The following ZNF517 variants were observed in gnomAD, a reference collection of about 807,000 sequenced individuals.
ZNF517 encodes the protein zinc finger protein 517.
Under a neutral mutation model 12.1 loss-of-function variants are expected in ZNF517, and 12 were observed. The ratio of observed to expected loss-of-function variants is 0.99; its 90% CI spans 0.63 to 1.61. The LOEUF is 1.61. Among genes scored for constraint, ZNF517 ranks in the 40% most tolerant of loss-of-function variants. The pLI is 0.00. For missense variants in ZNF517, 781 were observed against 693.2 expected, an observed-to-expected ratio of 1.13 and a Z score of -1.42; for synonymous variants, 388 against 310.2, an observed-to-expected ratio of 1.25 and a Z score of -2.63.
rs1407498241 is a variant in ZNF517, at chr8:144,809,779, C to T, written c.*1384C>T. ...ATAAATCCCCTCTCCTGGCCGGGCG[C>T]GGTAGCTCTCCCCTGTAATCTCAGC... On this transcript the variant is annotated 3_prime_UTR_variant, in exon 5 of 5. Transcript: ENST00000359971. 2 of 169,526 alleles carry T rather than the reference C, an allele frequency of 1.2e-5. No homozygotes were observed. The highest frequency in any genetic ancestry group is 2.4e-5 in the African/African-American group (1 of 42,140). 10.5% of individuals were successfully genotyped at this position (169,526 alleles called of 1,614,324 possible).
Position 144,803,724 on chromosome 8 carries a change from C to T in ZNF517, c.117C>T (p.Tyr39=), listed in dbSNP as rs1455215175. ...SCLAPDQQAL[Y]RDVMLENYGN... ...TGGCCCCCGACCAGCAGGCACTCTA[C>T]AGGGACGTGATGCTGGAGAACTATG... is the stretch of plus-strand genomic sequence containing the variant. The change falls in exon 3 of 5, where the codon TAC becomes TAT. Residue 39 remains tyrosine, a synonymous_variant. Transcript: ENST00000359971. 1 of 1,614,066 alleles carries T rather than the reference C, an allele frequency of 6.2e-7. No homozygotes were observed. The highest frequency in any genetic ancestry group is 1.3e-5 in the African/African-American group (1 of 74,952).
At chr8:144,810,578 G>A (rs1004914175), downstream of ZNF517, 2 of 232,168 alleles carry the variant, frequency 8.6e-6, no homozygotes, top group East Asian at 8.5e-5. Context: ...AGGAAAGCAC[G>A]AAGGTCAGGG....
downstream of ZNF517, among the ~76,000 whole-genome samples, chr8:144,813,016 G>A (rs2955211): frequency 0.016 from 2,408 of 152,074 alleles, 202 homozygotes; most frequent in East Asian, 0.24. Flanking sequence ...AACAAACCTA[G>A]GAATAAATTT....
chr8:144,802,568 T>C (rs1477524220), intron 1 of ZNF517, among the ~76,000 whole-genome samples: 1 of 152,090 alleles, frequency 6.6e-6, no homozygotes, highest in Admixed American at 6.6e-5. Context: ...CATAGTGCTA[T>C]GGAGAAAAAT....
chr8:144,803,137 T>A, intron 2 of ZNF517, 190 bp downstream of exon 2: 1 of 740,672 alleles, frequency 1.4e-6, no homozygotes, highest in Non-Finnish European at 2.1e-6. Context: ...CCTTCCAGCC[T>A]TTGGGCAGAA....
Position 144,804,159 on chromosome 8 carries a change from A to C in ZNF517, c.195A>C (p.Leu65=), listed in dbSNP as rs764439870. 1.2e-5 allele frequency: 20 copies of C among 1,613,906 alleles called. No individual in the cohort carries two copies. In the East Asian group the frequency reaches 3.8e-4, roughly 31 times the overall value. ...FLVAKPALIS[L]LEQGEEPGAL... ...TTGCCAAACCAGCACTGATCTCCCT[A>C]TTGGAGCAAGGAGAGGAGCCGGGGG... The change falls in exon 4 of 5, where the codon CTA becomes CTC. Residue 65 remains leucine (L), a synonymous_variant. Coordinates refer to ENST00000359971, the MANE Select transcript of ZNF517 (RefSeq NM_213605.3).
Position 144,802,939 on chromosome 8 carries a change from G to A in ZNF517, c.25G>A (p.Gly9Arg), listed in dbSNP as rs377613180. Residue 9 changes from glycine (G) to arginine (R), a missense_variant, in exon 2 of 5, where the codon GGA (glycine) becomes AGA (arginine). Coordinates refer to ENST00000359971, the MANE Select transcript of ZNF517 (RefSeq NM_213605.3). ...AATGGCGATGGCACTCCCGATGCCT[G>A]GACCTCAGGTGAGCACCCCCTGAGC... MAMALPMP[G>R]PQEAVVFEDV... 3.7e-6 allele frequency: 6 copies of A among 1,613,768 alleles called. No individual in the cohort carries two copies. The highest frequency in any genetic ancestry group is 5.1e-6 in the Non-Finnish European group (6 of 1,179,932).
At position 144,808,203 on chromosome 8, in the gene ZNF517, C is replaced by T. The variant is rs761574400; in HGVS notation, c.1287C>T (p.Cys429=). The T allele has an allele frequency of 4.4e-6, 7 of 1,608,424 alleles. No homozygotes were observed. The highest frequency in any genetic ancestry group is 5.9e-6 in the Non-Finnish European group (7 of 1,177,050). ...TKEKPFACTE[C]GKAFRRSYTL... ...AGAAGCCCTTCGCGTGCACCGAGTG[C>T]GGCAAGGCGTTCCGCAGGAGCTACA... Residue 429 remains cysteine (C), a synonymous_variant, in exon 5 of 5, where the codon TGC becomes TGT. Coordinates refer to ENST00000359971, the MANE Select transcript of ZNF517 (RefSeq NM_213605.3).
At position 144,807,180 on chromosome 8, in the gene ZNF517, C is replaced by T. The variant is rs1398411320; in HGVS notation, c.275-11C>T. 1 of 1,515,850 alleles carries T rather than the reference C, an allele frequency of 6.6e-7. No individual in the cohort carries two copies. The highest frequency in any genetic ancestry group is 8.8e-7 in the Non-Finnish European group (1 of 1,133,364). 93.9% of individuals were successfully genotyped at this position (1,515,850 alleles called of 1,614,324 possible). On this transcript the variant is annotated splice_polypyrimidine_tract_variant and intron_variant, in intron 4 of 4. Transcript: ENST00000359971. Reference sequence around the variant, plus strand: ...CTGGATCATCCTTCCGTTTTCTGTTCCTTCTCTCAGATTCCAGGATGGAGG... The same window carrying T: ...CTGGATCATCCTTCCGTTTTCTGTTTCTTCTCTCAGATTCCAGGATGGAGG...
rs530666794 is a variant in ZNF517, at chr8:144,799,859, G to C, written c.-46+922G>C. Among the ~76,000 whole-genome samples the C allele has an allele frequency of 3.7e-3, 563 of 152,366 alleles. 1 individual carries two copies. Among genetic ancestry groups the C allele is most frequent in the Middle Eastern group, 0.014 (4 of 294 alleles). On this transcript the variant is annotated intron_variant, in intron 1 of 4. Transcript: ENST00000359971. ...GGAGGCTGAGGCAGGAGAATGGCGT[G>C]AACCCGGGAGGCGGAGCTTGCAGTG...
rs564164702 is a variant in ZNF517 at position 144,801,838 on chromosome 8, C to T, written c.-45-1032C>T. On this transcript the variant is annotated intron_variant, in intron 1 of 4. Coordinates refer to ENST00000359971, the MANE Select transcript of ZNF517 (RefSeq NM_213605.3). ...TTGGGTCCAGGAGTTCAAGACCAGCCTGGGCAACATAGTAAGACCTCATCA... is the reference window on the plus strand; with the variant it reads ...TTGGGTCCAGGAGTTCAAGACCAGCTTGGGCAACATAGTAAGACCTCATCA... Among the ~76,000 whole-genome samples the T allele has an allele frequency of 2.0e-5, 3 of 152,252 alleles. No individual in the cohort carries two copies. The East Asian group carries it at 5.8e-4, about 29-fold the overall frequency.
rs2130451000 is a variant in ZNF517, at chr8:144,807,344, A to G, written c.428A>G (p.Asp143Gly). ...CCCCACCCGCATGGCGGTCCTGAGG[A>G]CGGGTCAGATAAACCCACCCACCCC... ...APPHPHGGPEDGSDKPTHPRA... is the reference protein window; with the variant it reads ...APPHPHGGPEGGSDKPTHPRA... The change falls in exon 5 of 5, where the codon GAC (aspartate) becomes GGC (glycine). Residue 143 changes from aspartate to glycine, a missense_variant. Asp to Gly is a moderately conservative substitution (Grantham distance 94). Transcript: ENST00000359971. 6.4e-7 allele frequency: 1 copy of G among 1,554,708 alleles called. No homozygotes were observed. Among genetic ancestry groups the G allele is most frequent in the Non-Finnish European group, 8.7e-7 (1 of 1,148,870 alleles).
At position 144,808,188 on chromosome 8, in the gene ZNF517, C is replaced by T. The variant is rs1827380791; in HGVS notation, c.1272C>T (p.Phe424=). The change falls in exon 5 of 5, where the codon TTC becomes TTT. Residue 424 remains phenylalanine (F), a synonymous_variant. Transcript: ENST00000359971. ...AGATCCACACCAAGGAGAAGCCCTT[C>T]GCGTGCACCGAGTGCGGCAAGGCGT... The part of the protein sequence containing the change: ...HQKIHTKEKP[F]ACTECGKAFR... The T allele has an allele frequency of 6.8e-6, 11 of 1,610,106 alleles. No individual in the cohort carries two copies. Among genetic ancestry groups the T allele is most frequent in the Admixed American group, 3.3e-5 (2 of 59,736 alleles).
In ZNF517 at chr8:144,808,036, G is replaced by A. The variant is rs772552947; in HGVS notation, c.1120G>A (p.Gly374Arg). Residue 374 changes from glycine (G) to arginine (R), a missense_variant, in exon 5 of 5, where the codon GGG becomes AGG. By Grantham distance (125) the Gly-to-Arg change is moderately radical. Transcript: ENST00000359971. ...CCCGCCCCACGAGTGCCCGGTGTGC[G>A]GGAGGCCGTTCCGACACAACTCCCT... ...GDPPHECPVC[G>R]RPFRHNSLLL... 32 of 1,598,786 alleles carry A rather than the reference G, an allele frequency of 2.0e-5. No homozygotes were observed. The Admixed American group carries it at 3.4e-4, about 17-fold the overall frequency.
intron 1 of ZNF517, among the ~76,000 whole-genome samples, chr8:144,802,373 CT>C (rs1187528468): frequency 6.6e-6 from 1 of 152,222 alleles, no homozygotes; most frequent in Admixed American, 6.5e-5. Flanking sequence ...GAAACCCCGT[CT>C]CAAACAAAAC....
chr8:144,811,957 G>A (rs867754742), downstream of ZNF517, among the ~76,000 whole-genome samples: 173 of 102,292 alleles, frequency 1.7e-3, 3 homozygotes, highest in Admixed American at 2.4e-3. Flanking sequence ...GACACGGACA[G>A]TAAAGCTCAG....
downstream of ZNF517, among the ~76,000 whole-genome samples, chr8:144,813,066 C>G (rs1309948273): frequency 6.6e-6 from 1 of 152,046 alleles, no homozygotes; most frequent in East Asian, 1.9e-4. Context: ...ACCTGTAATA[C>G]TAACACTTTG....
chr8:144,807,088 T>C, intron 4 of ZNF517, 103 bp from the exon 5 acceptor site: 1 of 1,425,120 alleles, frequency 7.0e-7, no homozygotes, highest in South Asian at 1.5e-5. Context: ...AAGCTGGGTG[T>C]TGGGGGAAGA....
Position 144,807,953 on chromosome 8 carries a change from ACGGCGGCGTGGGG to A in ZNF517, c.1039_1051del (p.Gly347ArgfsTer89). 1 of 1,505,004 alleles carries A rather than the reference ACGGCGGCGTGGGG, an allele frequency of 6.6e-7. No homozygotes were observed. The highest frequency in any genetic ancestry group is 8.8e-7 in the Non-Finnish European group (1 of 1,130,002). The allele number at this position is 1,505,004 out of a possible 1,614,324, so 93.2% of individuals were successfully genotyped here. On this transcript the variant is annotated frameshift_variant, in exon 5 of 5. Transcript: ENST00000359971. LOFTEE classifies it low-confidence loss of function (END_TRUNC). The stretch of plus-strand genomic sequence containing the variant: ...CTGCACGCGCAGGAGGGTGCCCAGG[ACGGCGGCGTGGGG>A]CAGGGCGCCCTGCTCGGAGCTGCGC...
Sources: gnomAD v4.1 joint callset for allele counts (sites outside exome capture counted in the v4.1 genomes callset) on GRCh38, gnomAD v4.1.1 for gene constraint, MANE v1.5 for transcripts, NCBI Gene and HGNC (gene_info 2026-07-23, HGNC 2026-07-21) for gene names.